NAT10: variants seen among roughly 807,000 people sequenced by gnomAD.
NAT10 encodes the protein N-acetyltransferase 10, also known as RNA cytidine acetyltransferase.
In NAT10, 109 loss-of-function variants were observed where a neutral mutation model predicts 132.2. The observed-to-expected ratio is 0.82, with a 90% confidence interval of 0.71 to 0.97. The LOEUF (loss-of-function observed/expected upper bound fraction) is 0.97, where lower values mean the gene tolerates loss of function less well. Ranked by LOEUF, NAT10 falls within the 50% of genes least tolerant of loss-of-function variation. The pLI, the probability that NAT10 is intolerant of heterozygous loss-of-function variation, is 0.00. For synonymous variants in NAT10, 479 were observed against 478.0 expected, an observed-to-expected ratio of 1.00 and a Z score of -0.03; for missense variants, 1,184 against 1,263.4, an observed-to-expected ratio of 0.94 and a Z score of 0.95.
At chr11:34,137,153 G>A in intron 21 of NAT10, 127 bp downstream of exon 21, 1 of 993,750 alleles carries the variant, frequency 1.0e-6, no homozygotes, top group Non-Finnish European at 1.6e-6. Context: ...TGCCTCTGAA[G>A]AGGTTTATTC....
chr11:34,129,765 T>C (rs1313694878), intron 12 of NAT10, among the ~76,000 whole-genome samples: 2 of 151,872 alleles, frequency 1.3e-5, no homozygotes, highest in Non-Finnish European at 2.9e-5. Flanking sequence ...TGTACCACCA[T>C]GCCTGGCTAA....
At chr11:34,125,607 T>A (rs1049992886) in intron 11 of NAT10, among the ~76,000 whole-genome samples, 4 of 152,258 alleles carry the variant, frequency 2.6e-5, no homozygotes, top group Admixed American at 2.6e-4. Context: ...GCTTGTTTAG[T>A]TTTTCCCTTG....
rs1851775029 is a variant in NAT10 at position 34,115,866 on chromosome 11, T to C, written c.539T>C (p.Val180Ala). 6.2e-7 allele frequency: 1 copy of C among 1,614,074 alleles called. No individual in the cohort carries two copies. Among genetic ancestry groups the C allele is most frequent in the Admixed American group, 1.7e-5 (1 of 60,000 alleles). ...AGAACTGAGGCCCATCAGGATGTGGTGGGAAGATTTAATGAAAGGTAATTC... is the reference window on the plus strand; with the variant it reads ...AGAACTGAGGCCCATCAGGATGTGGCGGGAAGATTTAATGAAAGGTAATTC... ...RYRTEAHQDV[V>A]GRFNERFILS... The change falls in exon 6 of 29, where the codon GTG (valine) becomes GCG (alanine). Residue 180 changes from valine (V) to alanine (A), a missense_variant. By Grantham distance (64) the Val-to-Ala change is moderately conservative (BLOSUM62 0). Transcript: ENST00000257829.
At chr11:34,121,134 A>G (rs965733032) in intron 8 of NAT10, among the ~76,000 whole-genome samples, 4 of 152,148 alleles carry the variant, frequency 2.6e-5, no homozygotes, top group Non-Finnish European at 4.4e-5. Context: ...GGAGCAGTGG[A>G]GGCTTTTATG....
intron 5 of NAT10, 22 bp downstream of exon 5, chr11:34,113,860 T>C: frequency 6.2e-7 from 1 of 1,609,662 alleles, no homozygotes; most frequent in Non-Finnish European, 8.5e-7. Flanking sequence ...TTTTTTAACT[T>C]AATTGTGAGG....
At chr11:34,132,995 C>T in intron 15 of NAT10, 31 bp from the exon 16 acceptor site, 2 of 1,554,574 alleles carry the variant, frequency 1.3e-6, no homozygotes, top group Admixed American at 3.3e-5. Context: ...AGGAAGAGTG[C>T]TTCTCACTGA....
intron 19 of NAT10, among the ~76,000 whole-genome samples, chr11:34,135,703 A>G (rs905963247): frequency 2.6e-5 from 4 of 152,198 alleles, no homozygotes; most frequent in African/African-American, 9.7e-5. Flanking sequence ...TTTCATGTGC[A>G]TTCATTGATT....
At position 34,118,547 on chromosome 11, in the gene NAT10, A is replaced by T. The variant is rs1240938127; in HGVS notation, c.780+44A>T. On this transcript the variant is annotated intron_variant, in intron 8 of 28. Transcript: ENST00000257829. ...ACTTCCAACACAAAGGTAGTAAAACATAGCATACGGAGCGTAACAGAAGCC... is the reference window on the plus strand; with the variant it reads ...ACTTCCAACACAAAGGTAGTAAAACTTAGCATACGGAGCGTAACAGAAGCC... 3 of 1,532,896 alleles carry T rather than the reference A, an allele frequency of 2.0e-6. No homozygotes were observed. The East Asian group carries it at 6.8e-5, about 35-fold the overall frequency. The allele number at this position is 1,532,896 out of a possible 1,614,324, so 95.0% of individuals were successfully genotyped here.
chr11:34,122,350 G>A (rs534419346), intron 8 of NAT10, 109 bp from the exon 9 acceptor site: 36 of 1,412,012 alleles, frequency 2.5e-5, no homozygotes, highest in African/African-American at 9.9e-5. Context: ...AAGAACTGCC[G>A]CCCTCTTATT....
chr11:34,115,262 T>G (rs1851765210), intron 5 of NAT10, among the ~76,000 whole-genome samples: 1 of 152,216 alleles, frequency 6.6e-6, no homozygotes. Context: ...TAAGCATTCC[T>G]TAGATAGTTG....
intron 6 of NAT10, 85 bp downstream of exon 6, chr11:34,115,969 T>C (rs1851776923): frequency 1.5e-6 from 2 of 1,343,246 alleles, no homozygotes; most frequent in South Asian, 1.2e-5. Context: ...ACTTTGCTTT[T>C]ATATTGGGGA....
rs1440327132 is a variant in NAT10 at position 34,141,581 on chromosome 11, A to G, written c.2713-138A>G. On this transcript the variant is annotated intron_variant, in intron 25 of 28. Coordinates refer to ENST00000257829, the MANE Select transcript of NAT10 (RefSeq NM_024662.3). ...TCTTCAGCTCTTCCCGCTAATATCC[A>G]CATTCCTAAACTGTAGAGTGTTGCT... The G allele has an allele frequency of 1.3e-5, 10 of 741,296 alleles. No homozygotes were observed. The East Asian group carries it at 2.2e-4, about 16-fold the overall frequency. The allele number at this position is 741,296 out of a possible 1,614,324, so 45.9% of individuals were successfully genotyped here. A position where few individuals can be genotyped will look rare whatever the true frequency, so the allele number is the denominator to read the frequency against.
intron 28 of NAT10, among the ~76,000 whole-genome samples, chr11:34,143,818 G>A (rs963835518): frequency 1.3e-5 from 2 of 152,228 alleles, no homozygotes; most frequent in African/African-American, 2.4e-5. Context: ...AGCTGCCACT[G>A]GCTGAGACTT....
At position 34,122,524 on chromosome 11, in the gene NAT10, C is replaced by CA; in HGVS notation, c.847dup (p.Thr283AsnfsTer35). 6.2e-7 allele frequency: 1 copy of CA among 1,614,208 alleles called. No individual in the cohort carries two copies. On this transcript the variant is annotated frameshift_variant, in exon 9 of 29. Transcript: ENST00000257829. LOFTEE classifies it high-confidence loss of function. ...AGACCCTGAGGAGTACTGTTGCACTCACAGCTGCTCGAGGACGGGGAAAAT... is the reference window on the plus strand; with the variant it reads ...AGACCCTGAGGAGTACTGTTGCACTCAACAGCTGCTCGAGGACGGGGAAAAT...
chr11:34,106,895 A>G (rs1208759594), intron 1 of NAT10, among the ~76,000 whole-genome samples: 6 of 152,206 alleles, frequency 3.9e-5, no homozygotes, highest in African/African-American at 1.4e-4. Flanking sequence ...TTTATAATGC[A>G]GTAGGTACCA....
At chr11:34,112,297 G>A in intron 4 of NAT10, 74 bp downstream of exon 4, 1 of 1,551,916 alleles carries the variant, frequency 6.4e-7, no homozygotes, top group Non-Finnish European at 8.9e-7. Flanking sequence ...CTTTCCACTG[G>A]GAACAGATGT....
Position 34,141,785 on chromosome 11 carries a change from G to A in NAT10, c.2779G>A (p.Glu927Lys). Residue 927 changes from glutamate to lysine, a missense_variant, in exon 26 of 29, where the codon GAG becomes AAG. Coordinates refer to ENST00000257829, the MANE Select transcript of NAT10 (RefSeq NM_024662.3). ...QMVAAKDVVM[E>K]PTMKTLSDDL... is the part of the protein sequence containing the mutation. The stretch of plus-strand genomic sequence containing the variant: ...GGTGGCAGCGAAGGATGTGGTCATG[G>A]AGCCCACGATGAAGACCCTCAGTGA... 1 of 1,613,948 alleles carries A rather than the reference G, an allele frequency of 6.2e-7. No homozygotes were observed.
At chr11:34,142,511 G>A (rs1852355051) in intron 27 of NAT10, among the ~76,000 whole-genome samples, 163 bp downstream of exon 27, 1 of 152,164 alleles carries the variant, frequency 6.6e-6, no homozygotes, top group Non-Finnish European at 1.5e-5. Context: ...TTGCCTGTTT[G>A]TATAATTTTG....
intron 11 of NAT10, 55 bp downstream of exon 11, chr11:34,124,455 C>T (rs1401604124): frequency 1.5e-6 from 2 of 1,317,444 alleles, no homozygotes; most frequent in Non-Finnish European, 2.2e-6. Context: ...CTGTATTTAA[C>T]TGGCTCTAAG....
Sources: allele counts gnomAD v4.1 joint callset (sites outside exome capture counted in the v4.1 genomes callset), GRCh38; gene constraint gnomAD v4.1.1; transcripts MANE v1.5; gene names NCBI Gene and HGNC (gene_info 2026-07-23, HGNC 2026-07-21).